The following CPXM2 variants were observed in gnomAD, a reference collection of about 807,000 sequenced individuals.
CPXM2 encodes carboxypeptidase X, M14 family member 2, also known as inactive carboxypeptidase-like protein X2.
In CPXM2, 66 loss-of-function variants were observed where a neutral mutation model predicts 86.1. That is an observed-to-expected ratio of 0.77 (90% confidence interval 0.63 to 0.94). CPXM2 has a LOEUF of 0.94. CPXM2 is among the 40% of genes least tolerant of loss of function. The pLI is 0.00. For missense variants in CPXM2, 948 were observed against 1,026.3 expected (o/e 0.92, Z 1.04); for synonymous variants, 388 against 400.2 (o/e 0.97, Z 0.36).
rs1945168064 is a variant in CPXM2 at position 123,885,617 on chromosome 10, C to T, written c.305-5308G>A. On this transcript the variant is annotated intron_variant, in intron 1 of 13. Coordinates refer to ENST00000241305, the MANE Select transcript of CPXM2 (RefSeq NM_198148.3). This position sits in a 1 kb window ranked among gnomAD's most constrained non-coding sequence, Gnocchi z 4.0. ...GCTGGCTGCCAGCCAGATGTGGATG[C>T]CAGCCCTTCCAGTGGCCATCCAAAG... Among the ~76,000 whole-genome samples the T allele has an allele frequency of 6.6e-6, 1 of 152,314 alleles. No homozygotes were observed. The highest frequency in any genetic ancestry group is 2.4e-5 in the African/African-American group (1 of 41,574).
At position 123,880,256 on chromosome 10, in the gene CPXM2, T is replaced by C. The variant is rs1260144824; in HGVS notation, c.358A>G (p.Asn120Asp). Reference sequence around the variant, plus strand: ...GCCACACGGACACTGTGATCATCGTTGGCAGCCTTCTCAGAGCTCTTGGTT... The same window carrying C: ...GCCACACGGACACTGTGATCATCGTCGGCAGCCTTCTCAGAGCTCTTGGTT... The part of the protein sequence containing the change: ...MRTKSSEKAA[N>D]DDHSVRVARE... The change falls in exon 2 of 14, where the codon AAC (asparagine) becomes GAC (aspartate). Residue 120 changes from asparagine to aspartate, a missense_variant. By Grantham distance (23) the Asn-to-Asp change is conservative (BLOSUM62 1). Coordinates refer to ENST00000241305, the MANE Select transcript of CPXM2 (RefSeq NM_198148.3). 1 of 1,602,526 alleles carries C rather than the reference T, an allele frequency of 6.2e-7. No individual in the cohort carries two copies. The highest frequency in any genetic ancestry group is 1.3e-5 in the African/African-American group (1 of 74,576).
At chr10:123,937,768 T>C (rs1945736487) in intron 2 of CPXM2, among the ~76,000 whole-genome samples, 2 of 152,120 alleles carry the variant, frequency 1.3e-5, no homozygotes, top group Non-Finnish European at 2.9e-5. Flanking sequence ...TTCAGGGCCC[T>C]GTTTTGAACA....
At chr10:123,877,486 T>C (rs142331479) in intron 2 of CPXM2, among the ~76,000 whole-genome samples, 51 of 152,320 alleles carry the variant, frequency 3.3e-4, no homozygotes, top group African/African-American at 1.1e-3. Flanking sequence ...CACTTATTGC[T>C]CAGCCTCCTA....
intron 4 of CPXM2, among the ~76,000 whole-genome samples, chr10:123,833,107 C>A (rs1848200749): frequency 6.6e-6 from 1 of 152,144 alleles, no homozygotes; most frequent in South Asian, 2.1e-4. Flanking sequence ...ATAAGTTTCC[C>A]AGTCTAAGGT....
At chr10:123,773,115 T>C (rs1350872420) in intron 7 of CPXM2, among the ~76,000 whole-genome samples, 1 of 149,254 alleles carries the variant, frequency 6.7e-6, no homozygotes, top group Non-Finnish European at 1.5e-5. Flanking sequence ...TTATCGCTGT[T>C]ATTGTGGTCA....
upstream of CPXM2, among the ~76,000 whole-genome samples, chr10:123,941,188 A>T (rs544795701): frequency 1.6e-4 from 25 of 152,314 alleles, no homozygotes; most frequent in African/African-American, 5.3e-4. Context: ...AAAAATAAAT[A>T]AATTAAAAAT....
chr10:123,936,141 C>G (rs995596244), intron 2 of CPXM2, among the ~76,000 whole-genome samples: 19 of 1,988 alleles, frequency 9.6e-3, no homozygotes, highest in Non-Finnish European at 0.012. Flanking sequence ...GGTTTAAGCA[C>G]TGTGCTTTAC....
chr10:123,934,035 G>C (rs1418125619), intron 2 of CPXM2, among the ~76,000 whole-genome samples: 2 of 152,164 alleles, frequency 1.3e-5, no homozygotes, highest in Non-Finnish European at 2.9e-5. Flanking sequence ...AATTAGGGCT[G>C]CTCCTGGAGC....
chr10:123,778,197 T>A (rs1237425584), intron 7 of CPXM2, among the ~76,000 whole-genome samples: 1 of 152,234 alleles, frequency 6.6e-6, no homozygotes, highest in Non-Finnish European at 1.5e-5. Context: ...CTGCTTCTGT[T>A]TCTCATTTGT....
At chr10:123,795,706 A>G (rs1847322139) in intron 6 of CPXM2, among the ~76,000 whole-genome samples, 1 of 152,126 alleles carries the variant, frequency 6.6e-6, no homozygotes, top group Non-Finnish European at 1.5e-5. Flanking sequence ...CTTCTAGAAA[A>G]AAAAAATGGT....
chr10:123,926,164 A>T (rs1407443914), intron 2 of CPXM2, among the ~76,000 whole-genome samples: 1 of 152,234 alleles, frequency 6.6e-6, no homozygotes, highest in Non-Finnish European at 1.5e-5. Flanking sequence ...CATTGGCCAA[A>T]GTAAGTCTCC....
intron 2 of CPXM2, among the ~76,000 whole-genome samples, chr10:123,918,739 C>G (rs140267337): frequency 6.6e-6 from 1 of 152,156 alleles, no homozygotes; most frequent in African/African-American, 2.4e-5. Context: ...TCCCCTTCAG[C>G]AGCAGTGGTC....
chr10:123,936,312 C>A (rs1945720031), intron 2 of CPXM2, among the ~76,000 whole-genome samples: 2 of 152,096 alleles, frequency 1.3e-5, no homozygotes, highest in Admixed American at 1.3e-4. Flanking sequence ...AACCATTATG[C>A]CTTATTGTCT....
chr10:123,854,374 A>ATATATAT (rs1848666279), intron 3 of CPXM2, among the ~76,000 whole-genome samples: 2 of 83,084 alleles, frequency 2.4e-5, no homozygotes, highest in Admixed American at 1.3e-4. Context: ...ATATATATAT[A>ATATATAT]ATATATATAT....
At chr10:123,853,398 A>G (rs2134176115) in intron 3 of CPXM2, among the ~76,000 whole-genome samples, 1 of 152,342 alleles carries the variant, frequency 6.6e-6, no homozygotes, top group East Asian at 1.9e-4. Flanking sequence ...CAAGGTGGCA[A>G]GAATCCTTGT....
At chr10:123,834,079 C>A (rs1474852832) in intron 4 of CPXM2, among the ~76,000 whole-genome samples, 4 of 152,214 alleles carry the variant, frequency 2.6e-5, no homozygotes, top group African/African-American at 9.6e-5. Context: ...CAAGGATGTG[C>A]AGCTCGGTAG....
At chr10:123,848,213 C>A (rs891071485) in intron 3 of CPXM2, among the ~76,000 whole-genome samples, 1 of 152,126 alleles carries the variant, frequency 6.6e-6, no homozygotes, top group African/African-American at 2.4e-5. Flanking sequence ...CATAAAATGG[C>A]CATCATGTGG....
At chr10:123,767,748 T>C (rs2134000440) in intron 9 of CPXM2, among the ~76,000 whole-genome samples, 1 of 152,346 alleles carries the variant, frequency 6.6e-6, no homozygotes, top group East Asian at 1.9e-4. Context: ...TCTGTACATA[T>C]GCATATTCTA....
intron 4 of CPXM2, among the ~76,000 whole-genome samples, chr10:123,805,432 T>G (rs186813137): frequency 7.0e-4 from 107 of 152,288 alleles, no homozygotes; most frequent in Admixed American, 2.4e-3. Flanking sequence ...AAATATTAAT[T>G]CTTATTGTGA....
Sources: gnomAD v4.1 joint callset for allele counts (sites outside exome capture counted in the v4.1 genomes callset) on GRCh38, gnomAD v4.1.1 for gene constraint, Gnocchi (gnomAD v3.1) non-coding constraint, MANE v1.5 for transcripts, NCBI Gene and HGNC (gene_info 2026-07-23, HGNC 2026-07-21) for gene names.